CRAMP1: variants seen among roughly 807,000 people sequenced by gnomAD.
The protein encoded by CRAMP1 is protein cramped-like.
CRAMP1 carries 50 observed loss-of-function variants against 115.4 expected under a neutral mutation model. The ratio of observed to expected loss-of-function variants is 0.43; its 90% CI spans 0.35 to 0.55. The LOEUF (loss-of-function observed/expected upper bound fraction) is 0.55. CRAMP1 is among the 20% of genes least tolerant of loss of function. The pLI is 0.01. For missense variants in CRAMP1, 1,679 were observed against 1,721.7 expected, an observed-to-expected ratio of 0.98 and a Z score of 0.44; for synonymous variants, 866 against 745.4, an observed-to-expected ratio of 1.16 and a Z score of -2.64.
chr16:1,621,831 C>T (rs1567446953), intron 2 of CRAMP1, among the ~76,000 whole-genome samples: 1 of 152,192 alleles, frequency 6.6e-6, no homozygotes, highest in Non-Finnish European at 1.5e-5. Context: ...GGCTCAGCAA[C>T]AGTCACAGAT....
chr16:1,645,384 C>A, intron 6 of CRAMP1: 1 of 233,820 alleles, frequency 4.3e-6, no homozygotes. Context: ...GACGGAGTTT[C>A]ACCATGTTGG....
At chr16:1,670,928 A>G in intron 20 of CRAMP1, 119 bp downstream of exon 20, 1 of 910,600 alleles carries the variant, frequency 1.1e-6, no homozygotes, top group Non-Finnish European at 1.7e-6. Context: ...GAAGAACAGG[A>G]GACAGCACGT....
Position 1,655,226 on chromosome 16 carries a change from G to A in CRAMP1, c.1045G>A (p.Val349Met), listed in dbSNP as rs1310301281. The change falls in exon 9 of 21, where the codon GTG becomes ATG. Residue 349 changes from valine (V) to methionine (M), a missense_variant. Around this residue, in one of 8 missense-constraint regions of CRAMP1, gnomAD observed 191 missense variants for 236.2 expected, o/e 0.81. Coordinates refer to ENST00000397412, the MANE Select transcript of CRAMP1 (RefSeq NM_020825.4). ...TGTCTGTCGTCTCCGTAGGATGATCGTGGAGCTACATCGAAAGGTCTCCAG... is the reference window on the plus strand; with the variant it reads ...TGTCTGTCGTCTCCGTAGGATGATCATGGAGCTACATCGAAAGGTCTCCAG... The part of the protein sequence containing the change: ...LAQNPRLRMI[V>M]ELHRKVSSLI... The A allele has an allele frequency of 1.2e-6, 2 of 1,613,750 alleles. No homozygotes were observed. The highest frequency in any genetic ancestry group is 2.2e-5 in the East Asian group (1 of 44,882).
intron 2 of CRAMP1, 127 bp from the exon 3 acceptor site, chr16:1,625,846 G>T (rs2036503678): frequency 4.4e-6 from 4 of 919,164 alleles, no homozygotes; most frequent in Middle Eastern, 2.8e-4. Context: ...CTGCCTGCCA[G>T]CATCCTCGGT....
Position 1,614,904 on chromosome 16 carries a change from C to T in CRAMP1, c.265C>T (p.Pro89Ser). 3 of 1,323,060 alleles carry T rather than the reference C, an allele frequency of 2.3e-6. No individual in the cohort carries two copies. Among genetic ancestry groups the T allele is most frequent in the South Asian group, 2.5e-5 (1 of 40,612 alleles). 82.0% of individuals were successfully genotyped at this position (1,323,060 alleles called of 1,614,324 possible). ...QHHFLRSSVR[P>S]QSKRPRKDPP... ...CCACTTCCTCCGGTCCAGCGTGCGG[C>T]CGCAGAGCAAGAGGCCCAGGAAGGA... The change falls in exon 2 of 21, where the codon CCG becomes TCG. Residue 89 changes from proline to serine, a missense_variant. This residue lies in a region of CRAMP1 where 264 missense variants were observed against 229.7 expected (regional missense o/e 1.15). Transcript: ENST00000397412. The surrounding 1 kb of genome is among the most constrained non-coding windows in gnomAD (Gnocchi z 4.4).
rs201152522 is a variant in CRAMP1, at chr16:1,661,052, C to T, written c.2413+989C>T. Among the ~76,000 whole-genome samples the T allele has an allele frequency of 1.9e-4, 28 of 151,132 alleles. No individual in the cohort carries two copies. The East Asian group carries it at 3.7e-3, about 20-fold the overall frequency. On this transcript the variant is annotated intron_variant, in intron 11 of 20. Transcript: ENST00000397412. The stretch of plus-strand genomic sequence containing the variant: ...TGAGTTTTCAACGTAAAATAAGGCC[C>T]GGAACAGTGGCTCATGCCTATAATC...
chr16:1,616,509 G>C (rs368110399), intron 2 of CRAMP1, among the ~76,000 whole-genome samples: 1 of 152,204 alleles, frequency 6.6e-6, no homozygotes, highest in African/African-American at 2.4e-5. Flanking sequence ...AGACGTGTAC[G>C]TGGCTACTTG....
At chr16:1,658,015 G>GCTC (rs1317957775) in intron 10 of CRAMP1, among the ~76,000 whole-genome samples, 10 of 152,206 alleles carry the variant, frequency 6.6e-5, no homozygotes, top group Admixed American at 2.0e-4. Flanking sequence ...CACACCCACT[G>GCTC]CTCCACACAG....
intron 6 of CRAMP1, among the ~76,000 whole-genome samples, chr16:1,646,480 G>A (rs1344193003): frequency 1.3e-5 from 2 of 152,162 alleles, no homozygotes; most frequent in African/African-American, 2.4e-5. Flanking sequence ...TGTCTTTCTC[G>A]TGCTTATTTG....
At chr16:1,634,362 T>A (rs1567450926) in intron 4 of CRAMP1, among the ~76,000 whole-genome samples, 1 of 152,222 alleles carries the variant, frequency 6.6e-6, no homozygotes, top group Non-Finnish European at 1.5e-5. Context: ...CAAACATTTC[T>A]TTTCTAATTG....
chr16:1,644,961 C>T (rs2036661286), intron 6 of CRAMP1, among the ~76,000 whole-genome samples: 1 of 151,940 alleles, frequency 6.6e-6, no homozygotes, highest in Non-Finnish European at 1.5e-5. Context: ...CTTGGCCTCC[C>T]AAAGCACTGA....
Position 1,653,037 on chromosome 16 carries a change from G to C in CRAMP1, c.918G>C (p.Leu306Phe). ...ALKKLCDPDG[L>F]SDEEDQKPVR... ...CATGGTTCTTCTGCATTGCAGGCTT[G>C]AGTGATGAAGAGGACCAGAAGCCAG... The change falls in exon 8 of 21, where the codon TTG (leucine) becomes TTC (phenylalanine). Residue 306 changes from leucine (L) to phenylalanine (F), a missense_variant. Physicochemically the swap from Leu to Phe is conservative, Grantham distance 22 (BLOSUM62 0). Transcript: ENST00000397412. 1.2e-6 allele frequency: 2 copies of C among 1,613,324 alleles called. No individual in the cohort carries two copies. The highest frequency in any genetic ancestry group is 1.1e-5 in the South Asian group (1 of 90,906).
At chr16:1,618,184 C>G (rs2036437176) in intron 2 of CRAMP1, among the ~76,000 whole-genome samples, 1 of 152,172 alleles carries the variant, frequency 6.6e-6, no homozygotes, top group East Asian at 1.9e-4. Context: ...AAATAAACAC[C>G]TGCCTCAGAA....
Position 1,649,780 on chromosome 16 carries a change from C to A in CRAMP1, c.828-2716C>A, listed in dbSNP as rs1422498689. On this transcript the variant is annotated intron_variant, in intron 6 of 20. Coordinates refer to ENST00000397412, the MANE Select transcript of CRAMP1 (RefSeq NM_020825.4). The stretch of plus-strand genomic sequence containing the variant: ...CTGAGCCTACAACAGTAGGCATGAG[C>A]CACTATTTTTTTTTTTTTTTTTTTT... 4.2e-5 allele frequency among the ~76,000 whole-genome samples: 6 copies of A among 143,468 alleles called. No homozygotes were observed. In the East Asian group the frequency reaches 1.2e-3, roughly 30 times the overall value. The allele number at this position is 143,468 out of a possible 152,430, so 94.1% of individuals were successfully genotyped here. A position where few individuals can be genotyped will look rare whatever the true frequency, so the allele number is the denominator to read the frequency against.
intron 2 of CRAMP1, chr16:1,620,572 G>A (rs965123448): frequency 6.7e-6 from 3 of 450,516 alleles, no homozygotes; most frequent in Admixed American, 4.7e-5. Flanking sequence ...CTCCAGGACA[G>A]TGAATTGATG....
chr16:1,620,187 T>C (rs1039281511), intron 2 of CRAMP1, among the ~76,000 whole-genome samples: 4 of 152,212 alleles, frequency 2.6e-5, no homozygotes, highest in African/African-American at 9.6e-5. Context: ...TCTGATGCGA[T>C]GTCTTGTGTT....
intron 2 of CRAMP1, among the ~76,000 whole-genome samples, chr16:1,623,059 G>T (rs2036479094): frequency 6.6e-6 from 1 of 152,144 alleles, no homozygotes; most frequent in Admixed American, 6.5e-5. Flanking sequence ...ACCACGCCCG[G>T]TTAATTTTTG....
rs2036948693 is a variant in CRAMP1 at position 1,674,266 on chromosome 16, G to C, written c.*221G>C. 1 of 576,916 alleles carries C rather than the reference G, an allele frequency of 1.7e-6. No individual in the cohort carries two copies. Among genetic ancestry groups the C allele is most frequent in the Non-Finnish European group, 3.1e-6 (1 of 324,144 alleles). The allele number at this position is 576,916 out of a possible 1,614,324, so 35.7% of individuals were successfully genotyped here. On this transcript the variant is annotated 3_prime_UTR_variant, in exon 21 of 21. Coordinates refer to ENST00000397412, the MANE Select transcript of CRAMP1 (RefSeq NM_020825.4). ...AGGGCCAGCGTTAGAAATCACTGTG[G>C]TACTAGAGCCGTTCTTCACCACGCC...
At chr16:1,632,181 C>G (rs1567450043) in intron 3 of CRAMP1, 31 bp from the exon 4 acceptor site, 2 of 1,548,746 alleles carry the variant, frequency 1.3e-6, no homozygotes, top group African/African-American at 2.7e-5. Flanking sequence ...GTTTTAACCC[C>G]TCTACATTTA....
Sources: allele counts gnomAD v4.1 joint callset (sites outside exome capture counted in the v4.1 genomes callset), GRCh38; gene constraint gnomAD v4.1.1; regional missense constraint gnomAD v4.1.1; non-coding constraint Gnocchi (gnomAD v3.1); transcripts MANE v1.5; gene names NCBI Gene and HGNC (gene_info 2026-07-23, HGNC 2026-07-21).